Variants in PLAA observed in about 807,000 individuals in gnomAD.
The protein encoded by PLAA is phospholipase A2 activating protein.
A neutral mutation model predicts 84.1 loss-of-function variants in PLAA; 48 were observed. That is an observed-to-expected ratio of 0.57 (90% confidence interval 0.45 to 0.73). PLAA has a LOEUF of 0.73. Among genes scored for constraint, PLAA ranks in the 30% least tolerant of loss-of-function variants. The pLI, the probability that PLAA is intolerant of heterozygous loss-of-function variation, is 0.00. For synonymous variants in PLAA, 392 were observed against 336.6 expected, an observed-to-expected ratio of 1.16 and a Z score of -1.80; for missense variants, 903 against 954.7, an observed-to-expected ratio of 0.95 and a Z score of 0.71.
chr9:26,925,756 T>C, intron 6 of PLAA, 69 bp downstream of exon 6: 1 of 1,403,782 alleles, frequency 7.1e-7, no homozygotes, highest in Admixed American at 1.9e-5. Context: ...ATGGCTTATC[T>C]CTGTACACTC....
chr9:26,947,183 C>T lies in PLAA; in HGVS notation c.-138G>A. 9.4e-7 allele frequency: 1 copy of T among 1,064,974 alleles called. No homozygotes were observed. The highest frequency in any genetic ancestry group is 1.3e-6 in the Non-Finnish European group (1 of 783,278). The allele number at this position is 1,064,974 out of a possible 1,614,324, so 66.0% of individuals were successfully genotyped here. A position where few individuals can be genotyped will look rare whatever the true frequency, so the allele number is the denominator to read the frequency against. On this transcript the variant is annotated 5_prime_UTR_variant, in exon 1 of 14. Transcript: ENST00000397292. ...CCGGAGACCGGAAGAGCCCGAGAGCCGGTACGGAAGGGCGGCTGGGAAGGG... is the reference window on the plus strand; with the variant it reads ...CCGGAGACCGGAAGAGCCCGAGAGCTGGTACGGAAGGGCGGCTGGGAAGGG...
intron 1 of PLAA, among the ~76,000 whole-genome samples, chr9:26,943,031 T>C (rs139892869): frequency 4.0e-4 from 61 of 152,258 alleles, no homozygotes; most frequent in African/African-American, 1.4e-3. Context: ...AATCAGATCC[T>C]ATATCTGAAG....
At chr9:26,908,262 G>C (rs544181299) in intron 12 of PLAA, among the ~76,000 whole-genome samples, 2 of 151,054 alleles carry the variant, frequency 1.3e-5, no homozygotes, top group South Asian at 4.2e-4. Flanking sequence ...CGCCCCCCAG[G>C]TTCAAGCAAT....
At position 26,905,239 on chromosome 9, in the gene PLAA, G is replaced by C. The variant is rs962288311; in HGVS notation, c.*272C>G. On this transcript the variant is annotated 3_prime_UTR_variant, in exon 14 of 14. Transcript: ENST00000397292. ...TGTCTTCTTAGTGGCTAAGGTAAGG[G>C]GAAGATGTCATTGTCATTGTGTTGT... 1.3e-5 allele frequency: 5 copies of C among 377,916 alleles called. No homozygotes were observed. The highest frequency in any genetic ancestry group is 1.0e-4 in the African/African-American group (5 of 47,908). 23.4% of individuals were successfully genotyped at this position (377,916 alleles called of 1,614,324 possible). A position where few individuals can be genotyped will look rare whatever the true frequency, so the allele number is the denominator to read the frequency against.
intron 2 of PLAA, among the ~76,000 whole-genome samples, chr9:26,929,934 G>C (rs1825115861): frequency 6.6e-6 from 1 of 152,092 alleles, no homozygotes; most frequent in Non-Finnish European, 1.5e-5. Context: ...TCCATTTGAA[G>C]TTAGGCATAG....
At chr9:26,939,602 G>C (rs1825467416) in intron 1 of PLAA, among the ~76,000 whole-genome samples, 1 of 149,592 alleles carries the variant, frequency 6.7e-6, no homozygotes, top group South Asian at 2.1e-4. Context: ...AAAAGACAAA[G>C]ATTGGCAGAA....
rs2131393817 is a variant in PLAA at position 26,926,475 on chromosome 9, C to T, written c.651G>A (p.Trp217Ter). The T allele has an allele frequency of 6.2e-7, 1 of 1,612,410 alleles. No individual in the cohort carries two copies. Among genetic ancestry groups the T allele is most frequent in the Non-Finnish European group, 8.5e-7 (1 of 1,178,616 alleles). The part of the protein sequence containing the change: ...SCANDASIRR[W>*]QITGECLEVY... ...CTTCAAGACACTCGCCAGTGATTTG[C>T]CACCTTCTAATACTAGCATCATTTG... Residue 217 changes from tryptophan to a stop codon, truncating the protein, a stop_gained, in exon 5 of 14, where the codon TGG (tryptophan) becomes TGA (stop). Transcript: ENST00000397292. LOFTEE classifies it high-confidence loss of function.
chr9:26,945,807 T>G (rs559258463), intron 1 of PLAA, among the ~76,000 whole-genome samples: 8 of 152,220 alleles, frequency 5.3e-5, no homozygotes, highest in African/African-American at 7.2e-5. Context: ...TCCTCCCTAT[T>G]TGCTCTTCCA....
At chr9:26,929,670 C>A (rs1477349022) in intron 2 of PLAA, among the ~76,000 whole-genome samples, 1 of 152,170 alleles carries the variant, frequency 6.6e-6, no homozygotes, top group African/African-American at 2.4e-5. Flanking sequence ...GGCTCTAGAT[C>A]AAAAACTGTT....
rs757313107 is a variant in PLAA at position 26,935,157 on chromosome 9, A to C, written c.199T>G (p.Phe67Val). The C allele has an allele frequency of 1.3e-6, 2 of 1,596,372 alleles. No individual in the cohort carries two copies. The highest frequency in any genetic ancestry group is 1.7e-6 in the Non-Finnish European group (2 of 1,174,858). Reference protein sequence around the residue: ...EMHCMSGHSNFVSCVCIIPSS... With the variant: ...EMHCMSGHSNVVSCVCIIPSS... ...GGTATGATGCATACACAAGATACAA[A>C]ATTGGAATGGCCACTCATACAGTGC... The change falls in exon 2 of 14, where the codon TTT becomes GTT. Residue 67 changes from phenylalanine to valine, a missense_variant. Transcript: ENST00000397292.
At chr9:26,946,010 C>G in intron 1 of PLAA, among the ~76,000 whole-genome samples, 1 of 152,200 alleles carries the variant, frequency 6.6e-6, no homozygotes, top group East Asian at 1.9e-4. Context: ...GAAACACTGG[C>G]AACTTGTCTG....
At chr9:26,936,330 T>C (rs1182081707) in intron 1 of PLAA, among the ~76,000 whole-genome samples, 1 of 152,178 alleles carries the variant, frequency 6.6e-6, no homozygotes, top group African/African-American at 2.4e-5. Context: ...ACCTGAGTCC[T>C]AGCAGGCAGC....
chr9:26,906,970 C>T lies in PLAA; in HGVS notation c.1822+864G>A, dbSNP rs138521670. On this transcript the variant is annotated intron_variant, in intron 13 of 13. Transcript: ENST00000397292. ...CCTACTGAACCAGAATCTAATTTTG[C>T]CACTAGCAATAAATACAGAGATGGA... Among the ~76,000 whole-genome samples, 19 of 148,638 alleles carry T rather than the reference C, an allele frequency of 1.3e-4. 1 individual carries two copies. The highest frequency in any genetic ancestry group is 6.5e-4 in the South Asian group (3 of 4,634).
At chr9:26,937,142 CA>C (rs1825385656) in intron 1 of PLAA, among the ~76,000 whole-genome samples, 1 of 149,854 alleles carries the variant, frequency 6.7e-6, no homozygotes, top group East Asian at 1.9e-4. Context: ...GACTTTCTCT[CA>C]AAAAAAGAAA....
Position 26,920,286 on chromosome 9 carries a change from C to T in PLAA, c.1138G>A (p.Val380Ile). ...SEGRWIKIGD[V>I]VGSSGANQQT... ...TGATTAGCACCAGATGAGCCAACAA[C>T]ATCACCAATTTTTATCCACCTCCCT... The change falls in exon 8 of 14, where the codon GTT (valine) becomes ATT (isoleucine). Residue 380 changes from valine (V) to isoleucine (I), a missense_variant. Val to Ile is a conservative substitution (Grantham distance 29). Coordinates refer to ENST00000397292, the MANE Select transcript of PLAA (RefSeq NM_001031689.3). 6.2e-7 allele frequency: 1 copy of T among 1,613,890 alleles called. No homozygotes were observed. The highest frequency in any genetic ancestry group is 8.5e-7 in the Non-Finnish European group (1 of 1,179,838).
In PLAA at chr9:26,946,796, G is replaced by C. The variant is rs1012459588; in HGVS notation, c.149+101C>G. ...GAGCGGAGAGCAGAGGGAAGGCTGG[G>C]GGGAGAGAGAGACGGCAGGACTGAC... On this transcript the variant is annotated intron_variant, in intron 1 of 13. Transcript: ENST00000397292. 49 of 1,316,860 alleles carry C rather than the reference G, an allele frequency of 3.7e-5. No homozygotes were observed. In the Admixed American group the frequency reaches 6.6e-4, roughly 18 times the overall value. The allele number at this position is 1,316,860 out of a possible 1,614,324, so 81.6% of individuals were successfully genotyped here.
chr9:26,946,870 CG>C (rs1563924474), intron 1 of PLAA, 26 bp downstream of exon 1: 2 of 1,551,156 alleles, frequency 1.3e-6, no homozygotes, highest in Admixed American at 1.9e-5. Flanking sequence ...GCAACACAGC[CG>C]GGGCAACCCG....
chr9:26,917,111 G>A lies in PLAA; in HGVS notation c.1472C>T (p.Ala491Val). The change falls in exon 10 of 14, where the codon GCA (alanine) becomes GTA (valine). Residue 491 changes from alanine to valine, a missense_variant. Physicochemically the swap from Ala to Val is moderately conservative, Grantham distance 64. Transcript: ENST00000397292. ...CTACATCCCACCTGTAAAAGGATCTGCTGTGGGTAGTGTGTTAGAAGATCC... is the reference window on the plus strand; with the variant it reads ...CTACATCCCACCTGTAAAAGGATCTACTGTGGGTAGTGTGTTAGAAGATCC... ...SSGSSNTLPT[A>V]DPFTGAGRYV... The A allele has an allele frequency of 2.5e-6, 4 of 1,613,558 alleles. No individual in the cohort carries two copies. Among genetic ancestry groups the A allele is most frequent in the Non-Finnish European group, 3.4e-6 (4 of 1,179,530 alleles).
chr9:26,932,617 G>A (rs913071459), intron 2 of PLAA, among the ~76,000 whole-genome samples: 1 of 151,980 alleles, frequency 6.6e-6, no homozygotes, highest in African/African-American at 2.4e-5. Flanking sequence ...GCCAACCCCT[G>A]TTTTAGAGCC....
Sources: gnomAD v4.1 joint callset for allele counts (sites outside exome capture counted in the v4.1 genomes callset) on GRCh38, gnomAD v4.1.1 for gene constraint, MANE v1.5 for transcripts, NCBI Gene and HGNC (gene_info 2026-07-23, HGNC 2026-07-21) for gene names.